Variants in CMTM8 observed in about 807,000 individuals in gnomAD.
CMTM8 encodes the protein CKLF like MARVEL transmembrane domain containing 8, also known as CKLF-like MARVEL transmembrane domain-containing protein 8.
A neutral mutation model predicts 18.6 loss-of-function variants in CMTM8; 12 were observed. The observed-to-expected ratio is 0.65, with a 90% CI of 0.41 to 1.05. CMTM8 has a LOEUF of 1.05. Among genes scored for constraint, CMTM8 ranks in the 50% least tolerant of loss-of-function variants. CMTM8 has a pLI of 0.00. For synonymous variants in CMTM8, 87 were observed against 90.6 expected, an observed-to-expected ratio of 0.96 and a Z score of 0.23; for missense variants, 217 against 227.2, an observed-to-expected ratio of 0.95 and a Z score of 0.29.
intron 1 of CMTM8, among the ~76,000 whole-genome samples, chr3:32,345,060 C>A (rs557247066): frequency 1.3e-5 from 2 of 152,252 alleles, no homozygotes; most frequent in East Asian, 3.9e-4. Flanking sequence ...TTTCTTCAGG[C>A]TGGGCATGGT....
chr3:32,335,627 G>C (rs77796654), intron 1 of CMTM8, among the ~76,000 whole-genome samples: 3 of 152,292 alleles, frequency 2.0e-5, no homozygotes, highest in East Asian at 1.9e-4. Flanking sequence ...GGGGGCAAAG[G>C]CTAATTAGGT....
chr3:32,314,706 T>C (rs959533982), intron 1 of CMTM8, among the ~76,000 whole-genome samples: 12 of 152,096 alleles, frequency 7.9e-5, no homozygotes, highest in African/African-American at 2.9e-4. Flanking sequence ...CTCAAACTCC[T>C]GGGCAAGGGA....
At chr3:32,297,740 A>G (rs1695505029) in intron 1 of CMTM8, among the ~76,000 whole-genome samples, 1 of 151,942 alleles carries the variant, frequency 6.6e-6, no homozygotes, top group South Asian at 2.1e-4. Flanking sequence ...AAAGTTAATT[A>G]CCAGCTTGTG....
intron 1 of CMTM8, among the ~76,000 whole-genome samples, chr3:32,251,661 A>G (rs1486122359): frequency 1.3e-5 from 2 of 152,122 alleles, no homozygotes; most frequent in African/African-American, 4.8e-5. Flanking sequence ...TTTGTCAGAA[A>G]TTCTAATTTG....
intron 1 of CMTM8, among the ~76,000 whole-genome samples, chr3:32,264,690 C>T (rs1406762705): frequency 6.6e-6 from 1 of 152,130 alleles, no homozygotes; most frequent in Non-Finnish European, 1.5e-5. Flanking sequence ...CATCAGTGTG[C>T]TGTATTCAGG....
chr3:32,282,249 T>A (rs1377554760), intron 1 of CMTM8, among the ~76,000 whole-genome samples: 1 of 152,086 alleles, frequency 6.6e-6, no homozygotes, highest in Non-Finnish European at 1.5e-5. Flanking sequence ...AATGACCCAG[T>A]TTTTTCAAAA....
In CMTM8 at chr3:32,313,838, C is replaced by T. The variant is rs76325712; in HGVS notation, c.148-43535C>T. 2.1e-3 allele frequency among the ~76,000 whole-genome samples: 317 copies of T among 152,196 alleles called. 9 individuals carry two copies. In the East Asian group the frequency reaches 0.039, roughly 19 times the overall value. On this transcript the variant is annotated intron_variant, in intron 1 of 3. Coordinates refer to ENST00000307526, the MANE Select transcript of CMTM8 (RefSeq NM_178868.5). ...AGAAAAAAACCATGTTCTTGTCACA[C>T]GACCAGGAAAGATTAGGCTCGTGGA...
intron 1 of CMTM8, among the ~76,000 whole-genome samples, chr3:32,301,633 C>T (rs1332558692): frequency 4.0e-5 from 6 of 151,798 alleles, no homozygotes; most frequent in South Asian, 4.2e-4. Context: ...TGACTCATCC[C>T]GGCATCGGTG....
chr3:32,276,129 G>A (rs772805940), intron 1 of CMTM8, among the ~76,000 whole-genome samples: 1 of 152,066 alleles, frequency 6.6e-6, no homozygotes, highest in East Asian at 1.9e-4. Flanking sequence ...AATGCAGACC[G>A]ACCTCCTATT....
At chr3:32,307,581 A>G (rs532062458) in intron 1 of CMTM8, among the ~76,000 whole-genome samples, 15 of 152,290 alleles carry the variant, frequency 9.8e-5, no homozygotes, top group African/African-American at 3.6e-4. Context: ...CAGAGAGCAT[A>G]CTTGCATGTG....
intron 1 of CMTM8, among the ~76,000 whole-genome samples, chr3:32,290,902 C>T (rs1025689409): frequency 4.6e-5 from 7 of 152,174 alleles, no homozygotes; most frequent in East Asian, 1.9e-4. Flanking sequence ...CGAAGAATTA[C>T]GAGGCTGGCT....
intron 1 of CMTM8, among the ~76,000 whole-genome samples, chr3:32,292,655 G>A (rs551052364): frequency 3.6e-4 from 55 of 152,054 alleles, no homozygotes; most frequent in African/African-American, 1.3e-3. Context: ...TCTCAACCTG[G>A]GCACTGTTGA....
At chr3:32,292,410 T>TC (rs1233503345) in intron 1 of CMTM8, among the ~76,000 whole-genome samples, 1 of 152,202 alleles carries the variant, frequency 6.6e-6, no homozygotes, top group Non-Finnish European at 1.5e-5. Context: ...CTCTCCTGTT[T>TC]CCCATATGTT....
chr3:32,259,247 A>C, intron 1 of CMTM8: 1 of 593,084 alleles, frequency 1.7e-6, no homozygotes, highest in Non-Finnish European at 3.1e-6. Flanking sequence ...GACAAAGTGA[A>C]GAGCCTGGAG....
chr3:32,326,922 C>T (rs192840157), intron 1 of CMTM8, among the ~76,000 whole-genome samples: 83 of 152,248 alleles, frequency 5.5e-4, no homozygotes, highest in Admixed American at 4.1e-3. Context: ...GATGGGATTC[C>T]ACTTCCTGGA....
chr3:32,298,872 C>T (rs1163339058), intron 1 of CMTM8, among the ~76,000 whole-genome samples: 1 of 144,888 alleles, frequency 6.9e-6, no homozygotes, highest in Non-Finnish European at 1.5e-5. Context: ...CATATATATA[C>T]ACACACATAC....
intron 1 of CMTM8, among the ~76,000 whole-genome samples, chr3:32,329,069 C>A (rs1696221894): frequency 1.3e-5 from 2 of 150,614 alleles, no homozygotes; most frequent in African/African-American, 4.9e-5. Flanking sequence ...AATATTGATT[C>A]AAAAAAAAAT....
chr3:32,259,983 T>C, intron 1 of CMTM8: 1 of 1,101,542 alleles, frequency 9.1e-7, no homozygotes, highest in Non-Finnish European at 1.3e-6. Flanking sequence ...GAGTCAGAGC[T>C]GGCACTGACC....
Position 32,367,976 on chromosome 3 carries a change from G to A in CMTM8, c.426G>A (p.Trp142Ter). 6.2e-7 allele frequency: 1 copy of A among 1,612,814 alleles called. No individual in the cohort carries two copies. The highest frequency in any genetic ancestry group is 8.5e-7 in the Non-Finnish European group (1 of 1,178,794). Residue 142 changes from tryptophan to a stop codon, truncating the protein, a stop_gained, in exon 3 of 4, where the codon TGG becomes TGA. Transcript: ENST00000307526. LOFTEE classifies it high-confidence loss of function. ...PERDSHNFNS[W>*]AASSFFAFLV... Reference sequence around the variant, plus strand: ...GGGACAGTCACAACTTCAACAGCTGGGCGGCCTCATCGGTGAGTAGCCCTC... The same window carrying A: ...GGGACAGTCACAACTTCAACAGCTGAGCGGCCTCATCGGTGAGTAGCCCTC...
Sources: gnomAD v4.1 joint callset for allele counts (sites outside exome capture counted in the v4.1 genomes callset) on GRCh38, gnomAD v4.1.1 for gene constraint, MANE v1.5 for transcripts, NCBI Gene and HGNC (gene_info 2026-07-23, HGNC 2026-07-21) for gene names.